The following UGT1A8 variants were observed in gnomAD, a reference collection of about 807,000 sequenced individuals.
The protein encoded by UGT1A8 is UDP glucuronosyltransferase family 1 member A8, also known as UDP-glucuronosyltransferase 1A8.
A neutral mutation model predicts 45.3 loss-of-function variants in UGT1A8; 39 were observed. The ratio of observed to expected loss-of-function variants is 0.86; its 90% confidence interval spans 0.67 to 1.12. UGT1A8 has a LOEUF of 1.12. Among genes scored for constraint, UGT1A8 ranks in the 50% most tolerant of loss-of-function variants. The pLI is 0.00. For synonymous variants in UGT1A8, 275 were observed against 249.2 expected, an observed-to-expected ratio of 1.10 and a Z score of -0.97; for missense variants, 719 against 664.9, an observed-to-expected ratio of 1.08 and a Z score of -0.90.
chr2:233,628,010 T>A (rs1377138429), intron 1 of UGT1A8, among the ~76,000 whole-genome samples: 1 of 152,022 alleles, frequency 6.6e-6, no homozygotes, highest in Non-Finnish European at 1.5e-5. Context: ...CACATGCACT[T>A]AAGCCACACT....
chr2:233,718,634 G>C (rs2076669947), intron 1 of UGT1A8: 1 of 1,457,400 alleles, frequency 6.9e-7, no homozygotes, highest in Non-Finnish European at 9.2e-7. Flanking sequence ...GTCTTTCCCA[G>C]GGTTGGGCCC....
intron 1 of UGT1A8, chr2:233,672,044 A>C (rs1334800737): frequency 6.2e-7 from 1 of 1,614,120 alleles, no homozygotes; most frequent in South Asian, 1.1e-5. Flanking sequence ...GATGGGAGCC[A>C]CTGGTTCACC....
At chr2:233,684,999 GTGT>G (rs1465580748) in intron 1 of UGT1A8, among the ~76,000 whole-genome samples, 3 of 152,102 alleles carry the variant, frequency 2.0e-5, no homozygotes, top group African/African-American at 7.2e-5. Flanking sequence ...TGTGTATGTG[GTGT>G]TTGTGCACGT....
chr2:233,725,566 C>T (rs559123427), intron 1 of UGT1A8, among the ~76,000 whole-genome samples: 223 of 152,120 alleles, frequency 1.5e-3, no homozygotes, highest in African/African-American at 5.2e-3. Context: ...AACATATATT[C>T]GATATAAGAT....
chr2:233,704,256 C>CTAT (rs1553607930), intron 1 of UGT1A8, among the ~76,000 whole-genome samples: 4 of 123,680 alleles, frequency 3.2e-5, no homozygotes, highest in African/African-American at 1.3e-4. Context: ...GCCTTTATTG[C>CTAT]TTTTTTTTTT....
At chr2:233,666,956 A>G (rs1160555698) in intron 1 of UGT1A8, among the ~76,000 whole-genome samples, 3 of 152,152 alleles carry the variant, frequency 2.0e-5, no homozygotes, top group Non-Finnish European at 4.4e-5. Context: ...AGCTTCATCA[A>G]TGTCCCTACA....
chr2:233,729,088 C>A, intron 1 of UGT1A8: 8 of 1,612,432 alleles, frequency 5.0e-6, no homozygotes, highest in Non-Finnish European at 6.8e-6. Flanking sequence ...GCAGGCACAG[C>A]GTGGGGTGGA....
At chr2:233,760,144 TG>T in intron 1 of UGT1A8, 1 of 1,433,916 alleles carries the variant, frequency 7.0e-7, no homozygotes, top group Non-Finnish European at 9.3e-7. Flanking sequence ...TCTCTGAAAG[TG>T]AACTCCCTGC....
chr2:233,755,491 T>C (rs112011393), intron 1 of UGT1A8: 20 of 202,890 alleles, frequency 9.9e-5, no homozygotes, highest in Non-Finnish European at 1.9e-4. Flanking sequence ...GGCCCTGTGA[T>C]GCTCCAAGAC....
intron 1 of UGT1A8, chr2:233,672,019 C>T: frequency 6.2e-7 from 1 of 1,614,118 alleles, no homozygotes; most frequent in Non-Finnish European, 8.5e-7. Flanking sequence ...AGGGAAGCTA[C>T]TGGTAGTGCC....
At chr2:233,744,039 G>C (rs1692664122) in intron 1 of UGT1A8, 1 of 770,658 alleles carries the variant, frequency 1.3e-6, no homozygotes, top group Non-Finnish European at 1.8e-6. Flanking sequence ...TTATGACGCA[G>C]CCACATCTCA....
chr2:233,713,198 C>G lies in UGT1A8; in HGVS notation c.856-53836C>G, dbSNP rs540897333. ...TCACCCTGGAGGTGAATATGTACAT[C>G]AAAGAAGAGAACTTTTTCACCCTGA... On this transcript the variant is annotated intron_variant, in intron 1 of 4. Transcript: ENST00000373450. 1.4e-5 allele frequency: 23 copies of G among 1,614,218 alleles called. 1 individual carries two copies. The highest frequency in any genetic ancestry group is 1.2e-4 in the African/African-American group (9 of 75,058).
chr2:233,718,994 G>A lies in UGT1A8; in HGVS notation c.856-48040G>A, dbSNP rs749212538. ...AGCTCCATGCCAGAGGCCACCAGGC[G>A]GTGGTCCTCACCCCAGAGGTGAATA... On this transcript the variant is annotated intron_variant, in intron 1 of 4. Coordinates refer to ENST00000373450, the MANE Select transcript of UGT1A8 (RefSeq NM_019076.5). 2.7e-4 allele frequency: 436 copies of A among 1,613,960 alleles called. 1 individual carries two copies. The highest frequency in any genetic ancestry group is 1.8e-3 in the Admixed American group (110 of 60,006).
intron 1 of UGT1A8, among the ~76,000 whole-genome samples, chr2:233,761,552 A>T (rs1697800499): frequency 6.6e-6 from 1 of 152,250 alleles, no homozygotes; most frequent in Admixed American, 6.5e-5. Context: ...TGATGATGAT[A>T]GATCCTGGAA....
rs575906647 is a variant in UGT1A8, at chr2:233,679,289, G to A, written c.855+60727G>A. ...CTGGCAATGCATTTTCTGCCTTCAC[G>A]GACAAAGCCTTGATGGAACCAATCC... On this transcript the variant is annotated intron_variant, in intron 1 of 4. Transcript: ENST00000373450. 2.6e-5 allele frequency among the ~76,000 whole-genome samples: 4 copies of A among 152,256 alleles called. No homozygotes were observed. In the East Asian group the frequency reaches 5.8e-4, roughly 22 times the overall value.
chr2:233,710,278 C>T (rs1324621072), intron 1 of UGT1A8, among the ~76,000 whole-genome samples: 1 of 152,148 alleles, frequency 6.6e-6, no homozygotes, highest in Non-Finnish European at 1.5e-5. Context: ...TGGGTAAATA[C>T]TTAAAAGTGG....
At chr2:233,760,854 A>G (rs1484529222) in intron 1 of UGT1A8, 1 of 1,613,796 alleles carries the variant, frequency 6.2e-7, no homozygotes, top group Non-Finnish European at 8.5e-7. Context: ...GCCCCAACCC[A>G]TTCTCCTACG....
intron 1 of UGT1A8, among the ~76,000 whole-genome samples, chr2:233,712,009 T>C (rs1023023016): frequency 1.3e-5 from 2 of 152,240 alleles, no homozygotes; most frequent in East Asian, 1.9e-4. Flanking sequence ...GGAGGAACCA[T>C]TCTTATCAGA....
intron 1 of UGT1A8, among the ~76,000 whole-genome samples, chr2:233,641,466 T>C (rs1297795441): frequency 6.6e-6 from 1 of 152,254 alleles, no homozygotes; most frequent in Admixed American, 6.5e-5. Context: ...ACTGCCTATA[T>C]CTTAAAAAGT....
Sources: gnomAD v4.1 joint callset for allele counts (sites outside exome capture counted in the v4.1 genomes callset) on GRCh38, gnomAD v4.1.1 for gene constraint, MANE v1.5 for transcripts, NCBI Gene and HGNC (gene_info 2026-07-23, HGNC 2026-07-21) for gene names.